Variants in MAP3K7CL observed in about 807,000 individuals in gnomAD.
MAP3K7CL encodes the protein MAP3K7 C-terminal-like protein.
A neutral mutation model predicts 18.6 loss-of-function variants in MAP3K7CL; 16 were observed. The ratio of observed to expected loss-of-function variants is 0.86; its 90% CI spans 0.58 to 1.31. The LOEUF (loss-of-function observed/expected upper bound fraction) is 1.31, where lower values mean the gene tolerates loss of function less well. MAP3K7CL is among the 50% of genes most tolerant of loss of function. The pLI, the probability that MAP3K7CL is intolerant of heterozygous loss-of-function variation, is 0.00. For missense variants in MAP3K7CL, 163 were observed against 174.4 expected, an observed-to-expected ratio of 0.93 and a Z score of 0.37; for synonymous variants, 65 against 66.8, an observed-to-expected ratio of 0.97 and a Z score of 0.13.
At chr21:29,091,653 C>G in intron 2 of MAP3K7CL, 1 of 696,730 alleles carries the variant, frequency 1.4e-6, no homozygotes, top group East Asian at 2.7e-5. Flanking sequence ...GTTTTTCTTT[C>G]TTTTTTTTTC....
Position 29,165,863 on chromosome 21 carries a change from T to C in MAP3K7CL, c.248+5807T>C, listed in dbSNP as rs76407750. Among the ~76,000 whole-genome samples the C allele has an allele frequency of 3.1e-3, 479 of 152,254 alleles. 1 individual carries two copies. The highest frequency in any genetic ancestry group is 5.4e-3 in the Non-Finnish European group (365 of 67,992). ...AGGCATGAGCCATGCGCCTGGCCAG[T>C]TTTATTTGTTTTTAATTGACATGTA... is the stretch of plus-strand genomic sequence containing the variant. On this transcript the variant is annotated intron_variant, in intron 4 of 4. Coordinates refer to ENST00000399928, the MANE Select transcript of MAP3K7CL (RefSeq NM_001286620.2).
upstream of MAP3K7CL, among the ~76,000 whole-genome samples, chr21:29,082,747 A>G (rs1311350166): frequency 6.6e-6 from 1 of 152,214 alleles, no homozygotes; most frequent in Non-Finnish European, 1.5e-5. Flanking sequence ...TAGTGCAGTC[A>G]ATCTACCACG....
At chr21:29,119,288 G>T (rs1242897393) in intron 4 of MAP3K7CL, among the ~76,000 whole-genome samples, 1 of 152,214 alleles carries the variant, frequency 6.6e-6, no homozygotes, top group Non-Finnish European at 1.5e-5. Context: ...TGGAGGGCAG[G>T]CTAAATTTTT....
chr21:29,162,156 TA>T (rs1327306939), intron 4 of MAP3K7CL, among the ~76,000 whole-genome samples: 1 of 152,142 alleles, frequency 6.6e-6, no homozygotes, highest in East Asian at 1.9e-4. Flanking sequence ...AAAGAAGATC[TA>T]TATGACGAAT....
intron 1 of MAP3K7CL, among the ~76,000 whole-genome samples, chr21:29,133,086 A>G (rs1327051826): frequency 6.6e-6 from 1 of 152,224 alleles, no homozygotes; most frequent in East Asian, 1.9e-4. Flanking sequence ...TTCTAGATGT[A>G]TATTGCAAAA....
At position 29,092,285 on chromosome 21, in the gene MAP3K7CL, A is replaced by G. The variant is rs1391695788; in HGVS notation, c.228-154A>G. The G allele has an allele frequency of 2.3e-5, 15 of 650,102 alleles. No individual in the cohort carries two copies. The Admixed American group carries it at 4.6e-4, about 20-fold the overall frequency. The allele number at this position is 650,102 out of a possible 1,614,324, so 40.3% of individuals were successfully genotyped here. A position where few individuals can be genotyped will look rare whatever the true frequency, so the allele number is the denominator to read the frequency against. ...GCCCAGTGCTCTTTCCCCTGATGAG[A>G]AACCTTTCCAGATTTAAACCATTAA... On this transcript the variant is annotated intron_variant, in intron 3 of 6. Transcript: ENST00000286791.
At chr21:29,150,771 C>CT (rs34512099) in intron 3 of MAP3K7CL, among the ~76,000 whole-genome samples, 57,007 of 127,060 alleles carry the variant, frequency 0.45, 13,800 homozygotes, top group South Asian at 0.54. Flanking sequence ...TCTACCTTTC[C>CT]TTTTTTTTTT....
At chr21:29,137,286 A>G (rs2086906835) in intron 2 of MAP3K7CL, among the ~76,000 whole-genome samples, 1 of 152,202 alleles carries the variant, frequency 6.6e-6, no homozygotes, top group South Asian at 2.1e-4. Flanking sequence ...ATCCTATTTT[A>G]CCTCTGGGCA....
intron 4 of MAP3K7CL, among the ~76,000 whole-genome samples, chr21:29,112,053 T>C (rs2086428492): frequency 6.6e-6 from 1 of 152,130 alleles, no homozygotes; most frequent in Non-Finnish European, 1.5e-5. Context: ...TCCCAGCACT[T>C]TGGGAGGCCT....
At position 29,174,855 on chromosome 21, in the gene MAP3K7CL, T is replaced by G; in HGVS notation, c.392T>G (p.Leu131Arg). ...CAATGTGTGGAACAACTGGAGAAAC[T>G]TCGAATACAGTATCAGAAGAGGCAG... ...QSQCVEQLEK[L>R]RIQYQKRQGS... is the part of the protein sequence containing the mutation. The change falls in exon 5 of 5, where the codon CTT (leucine) becomes CGT (arginine). Residue 131 changes from leucine to arginine, a missense_variant. Transcript: ENST00000399928. 1 of 1,614,070 alleles carries G rather than the reference T, an allele frequency of 6.2e-7. No homozygotes were observed. The highest frequency in any genetic ancestry group is 8.5e-7 in the Non-Finnish European group (1 of 1,179,992).
chr21:29,081,950 T>C (rs771033271), upstream of MAP3K7CL, among the ~76,000 whole-genome samples: 18 of 152,224 alleles, frequency 1.2e-4, no homozygotes, highest in Non-Finnish European at 1.9e-4. Flanking sequence ...TTACGTACAA[T>C]ATTGAACCCA....
At chr21:29,157,444 G>A (rs905162820) in intron 3 of MAP3K7CL, among the ~76,000 whole-genome samples, 3 of 152,152 alleles carry the variant, frequency 2.0e-5, no homozygotes, top group Non-Finnish European at 2.9e-5. Flanking sequence ...ATGTCAAGTT[G>A]AAGGCTTAGT....
chr21:29,150,049 T>C (rs556780662), intron 3 of MAP3K7CL, among the ~76,000 whole-genome samples: 1 of 152,320 alleles, frequency 6.6e-6, no homozygotes, highest in East Asian at 1.9e-4. Context: ...CTCCTAAATA[T>C]TGATTTTGAA....
intron 4 of MAP3K7CL, among the ~76,000 whole-genome samples, chr21:29,096,622 A>C (rs773216463): frequency 6.6e-5 from 10 of 152,222 alleles, no homozygotes; most frequent in Non-Finnish European, 1.2e-4. Flanking sequence ...AGAGAGTGAA[A>C]GGGAGCATGG....
intron 2 of MAP3K7CL, among the ~76,000 whole-genome samples, chr21:29,134,823 G>GT (rs1164292258): frequency 1.3e-5 from 2 of 152,236 alleles, no homozygotes; most frequent in Non-Finnish European, 2.9e-5. Flanking sequence ...GCCAAGGCAG[G>GT]TGGATCACGA....
intron 4 of MAP3K7CL, chr21:29,102,479 T>G (rs2026247): frequency 1.3e-5 from 1 of 79,892 alleles, no homozygotes; most frequent in African/African-American, 9.3e-5. Context: ...CTCTCTCTCT[T>G]TTTTTTTTTT....
At chr21:29,102,852 A>G (rs73899311) in intron 4 of MAP3K7CL, among the ~76,000 whole-genome samples, 11 of 152,248 alleles carry the variant, frequency 7.2e-5, no homozygotes, top group African/African-American at 2.6e-4. Flanking sequence ...AAGCAACCCT[A>G]TAGAGGGGTC....
At chr21:29,137,538 C>T (rs1268813063) in intron 2 of MAP3K7CL, among the ~76,000 whole-genome samples, 1 of 151,684 alleles carries the variant, frequency 6.6e-6, no homozygotes, top group Non-Finnish European at 1.5e-5. Flanking sequence ...GTACTAGATA[C>T]AAAAAAGGGG....
At chr21:29,162,013 T>A (rs189751960) in intron 4 of MAP3K7CL, among the ~76,000 whole-genome samples, 16 of 152,356 alleles carry the variant, frequency 1.1e-4, no homozygotes, top group African/African-American at 3.6e-4. Flanking sequence ...GTCTGACTAT[T>A]TTCTTTTTGT....
Sources: gnomAD v4.1 joint callset for allele counts (sites outside exome capture counted in the v4.1 genomes callset) on GRCh38, gnomAD v4.1.1 for gene constraint, MANE v1.5 for transcripts, NCBI Gene and HGNC (gene_info 2026-07-23, HGNC 2026-07-21) for gene names.